Variants in FGF3 observed in about 807,000 individuals in gnomAD.
The protein encoded by FGF3 is fibroblast growth factor 3.
FGF3 carries 7 observed loss-of-function variants against 9.8 expected under a neutral mutation model. The ratio of observed to expected loss-of-function variants is 0.72; its 90% CI spans 0.41 to 1.35. FGF3 has a LOEUF of 1.35. Among genes scored for constraint, FGF3 ranks in the 40% most tolerant of loss-of-function variants. The probability of loss-of-function intolerance (pLI) is 0.01; values close to 1 mark genes in which losing one functional copy is unlikely to be tolerated. For synonymous variants in FGF3, 173 were observed against 157.2 expected, an observed-to-expected ratio of 1.10 and a Z score of -0.75; for missense variants, 390 against 345.6, an observed-to-expected ratio of 1.13 and a Z score of -1.02.
Position 69,810,190 on chromosome 11 carries a change from A to G in FGF3, c.*115T>C. The G allele has an allele frequency of 9.5e-7, 1 of 1,049,554 alleles. No homozygotes were observed. Among genetic ancestry groups the G allele is most frequent in the Admixed American group, 2.9e-5 (1 of 34,446 alleles). 65.0% of individuals were successfully genotyped at this position (1,049,554 alleles called of 1,614,324 possible). On this transcript the variant is annotated 3_prime_UTR_variant, in exon 3 of 3. Transcript: ENST00000334134. ...CCTGATTTGAGCTGGCTCTGGAAAT[A>G]GCTGAGAACCCAGACGCGGGACGCA...
intron 2 of FGF3, among the ~76,000 whole-genome samples, chr11:69,813,672 C>A (rs1235560541): frequency 6.9e-3 from 262 of 37,724 alleles, no homozygotes; most frequent in Admixed American, 9.4e-3. Context: ...GGGTGGATGG[C>A]TGGATGGATG....
intron 1 of FGF3, among the ~76,000 whole-genome samples, 156 bp downstream of exon 1, chr11:69,818,558 G>T (rs887871811): frequency 5.3e-5 from 8 of 152,078 alleles, no homozygotes; most frequent in Admixed American, 1.3e-4. Context: ...GAGGCAGACG[G>T]TCTTTTCCCG....
At chr11:69,813,843 G>GA (rs1554980772) in intron 2 of FGF3, among the ~76,000 whole-genome samples, 2 of 149,124 alleles carry the variant, frequency 1.3e-5, no homozygotes, top group Non-Finnish European at 3.0e-5. Context: ...TGGATGGCTG[G>GA]TTGGATGGAT....
At chr11:69,813,840 C>T (rs1467143449) in intron 2 of FGF3, among the ~76,000 whole-genome samples, 2 of 35,698 alleles carry the variant, frequency 5.6e-5, no homozygotes, top group East Asian at 1.6e-3. Flanking sequence ...GGGTGGATGG[C>T]TGGTTGGATG....
intron 2 of FGF3, 28 bp downstream of exon 2, chr11:69,816,292 G>C (rs782267521): frequency 3.2e-6 from 5 of 1,539,108 alleles, no homozygotes; most frequent in Non-Finnish European, 4.5e-6. Context: ...CTCCGTCAGC[G>C]CCCACCCACG....
intron 2 of FGF3, 93 bp from the exon 3 acceptor site, chr11:69,810,793 G>A (rs1344859319): frequency 9.0e-6 from 11 of 1,227,806 alleles, no homozygotes; most frequent in African/African-American, 1.5e-5. Context: ...CCTCCTGTGA[G>A]GCTGTTCGGT....
Position 69,816,376 on chromosome 11 carries a change from C to T in FGF3, c.268G>A (p.Gly90Ser), listed in dbSNP as rs1554981085. Residue 90 changes from glycine (G) to serine (S), a missense_variant, in exon 2 of 3, where the codon GGT becomes AGT. Coordinates refer to ENST00000334134, the MANE Select transcript of FGF3 (RefSeq NM_005247.4). ...GCCAGGTACCGCCCGGAGAAGAGACCCCTGATGGCCACAATGCCCACCTCC... is the reference window on the plus strand; with the variant it reads ...GCCAGGTACCGCCCGGAGAAGAGACTCCTGATGGCCACAATGCCCACCTCC... The part of the protein sequence containing the change: ...AVEVGIVAIR[G>S]LFSGRYLAMN... The T allele has an allele frequency of 1.2e-6, 2 of 1,614,098 alleles. No individual in the cohort carries two copies. Among genetic ancestry groups the T allele is most frequent in the Non-Finnish European group, 1.7e-6 (2 of 1,180,000 alleles).
At position 69,810,177 on chromosome 11, in the gene FGF3, T is replaced by G; in HGVS notation, c.*128A>C. 1.1e-6 allele frequency: 1 copy of G among 951,110 alleles called. No individual in the cohort carries two copies. Among genetic ancestry groups the G allele is most frequent in the South Asian group, 1.8e-5 (1 of 56,030 alleles). The allele number at this position is 951,110 out of a possible 1,614,324, so 58.9% of individuals were successfully genotyped here. ...GTTCCCACTGGACCCTGATTTGAGC[T>G]GGCTCTGGAAATAGCTGAGAACCCA... On this transcript the variant is annotated 3_prime_UTR_variant, in exon 3 of 3. Transcript: ENST00000334134.
intron 1 of FGF3, among the ~76,000 whole-genome samples, chr11:69,816,710 T>C (rs1298170669): frequency 6.6e-6 from 1 of 152,192 alleles, no homozygotes; most frequent in African/African-American, 2.4e-5. Context: ...CATTCGAGCC[T>C]CACAACACCT....
intron 2 of FGF3, among the ~76,000 whole-genome samples, chr11:69,814,444 C>T: frequency 6.6e-6 from 1 of 151,668 alleles, no homozygotes; most frequent in Non-Finnish European, 1.5e-5. Flanking sequence ...GTGTCTGAGT[C>T]AGCAGGATGT....
intron 1 of FGF3, among the ~76,000 whole-genome samples, chr11:69,817,210 C>T (rs1043145938): frequency 6.6e-6 from 1 of 152,058 alleles, no homozygotes. Context: ...CCAATAGAGG[C>T]TGCGAGGGGA....
intron 1 of FGF3, among the ~76,000 whole-genome samples, chr11:69,817,158 G>A (rs1856147921): frequency 6.6e-6 from 1 of 152,022 alleles, no homozygotes; most frequent in Non-Finnish European, 1.5e-5. Flanking sequence ...GGGGGCTGGG[G>A]GCGGGGGACT....
chr11:69,818,113 C>T (rs569236967), intron 1 of FGF3, among the ~76,000 whole-genome samples: 4 of 152,190 alleles, frequency 2.6e-5, no homozygotes, highest in Admixed American at 2.0e-4. Flanking sequence ...CGGTGGCGGC[C>T]GCGGCCAGGG....
intron 2 of FGF3, among the ~76,000 whole-genome samples, chr11:69,813,648 GTGGATGGATGGATGGGTGGATGGC>G (rs1565114845): frequency 7.3e-4 from 59 of 80,908 alleles, no homozygotes; most frequent in African/African-American, 2.4e-3. Context: ...GGGTGGATGG[GTGGATGGATGGATGGGTGGATGGC>G]TGGATGGATG....
At chr11:69,814,775 C>T (rs989653736) in intron 2 of FGF3, among the ~76,000 whole-genome samples, 63 of 152,252 alleles carry the variant, frequency 4.1e-4, no homozygotes, top group Admixed American at 1.6e-3. Context: ...CTTGGCTAAG[C>T]ATCCCTGGTG....
intron 2 of FGF3, among the ~76,000 whole-genome samples, 180 bp downstream of exon 2, chr11:69,816,140 T>C (rs1856128199): frequency 6.6e-6 from 1 of 152,130 alleles, no homozygotes; most frequent in Admixed American, 6.5e-5. Context: ...CGGAGCAGCC[T>C]CTAACAGACA....
At chr11:69,813,526 G>A (rs1554980654) in intron 2 of FGF3, among the ~76,000 whole-genome samples, 1 of 152,208 alleles carries the variant, frequency 6.6e-6, no homozygotes, top group Non-Finnish European at 1.5e-5. Context: ...GGTGAACGAA[G>A]GACTGAATGT....
chr11:69,813,788 A>ATGGATGGATGGATGGATGGATGGG (rs1856074056), intron 2 of FGF3, among the ~76,000 whole-genome samples: 1 of 115,634 alleles, frequency 8.6e-6, no homozygotes, highest in African/African-American at 2.9e-5. Flanking sequence ...GGATGGATGG[A>ATGGATGGATGGATGGATGGATGGG]TGGATGGATG....
chr11:69,818,949 G>A lies in FGF3; in HGVS notation c.-16C>T, dbSNP rs1554981472. 2 of 1,448,750 alleles carry A rather than the reference G, an allele frequency of 1.4e-6. No individual in the cohort carries two copies. The highest frequency in any genetic ancestry group is 9.1e-7 in the Non-Finnish European group (1 of 1,101,616). The allele number at this position is 1,448,750 out of a possible 1,614,324, so 89.7% of individuals were successfully genotyped here. On this transcript the variant is annotated 5_prime_UTR_variant, in exon 1 of 3. Coordinates refer to ENST00000334134, the MANE Select transcript of FGF3 (RefSeq NM_005247.4). ...TTAGGCCCATCGTGGCATCGCGCCCGCCCCGCGGCGGCGGCGGCTGCAGGC... is the reference window on the plus strand; with the variant it reads ...TTAGGCCCATCGTGGCATCGCGCCCACCCCGCGGCGGCGGCGGCTGCAGGC...
Sources: gnomAD v4.1 joint callset for allele counts (sites outside exome capture counted in the v4.1 genomes callset) on GRCh38, gnomAD v4.1.1 for gene constraint, MANE v1.5 for transcripts, NCBI Gene and HGNC (gene_info 2026-07-23, HGNC 2026-07-21) for gene names.